The following UGT2A1 variants were observed in gnomAD, a reference collection of about 807,000 sequenced individuals.
UGT2A1 encodes UDP glucuronosyltransferase family 2 member A1 complex locus.
Under a neutral mutation model 45.4 loss-of-function variants are expected in UGT2A1, and 61 were observed. The observed-to-expected ratio is 1.34, with a 90% CI of 1.09 to 1.66. The LOEUF is 1.66. UGT2A1 is among the 40% of genes most tolerant of loss of function. The pLI is 0.00. For missense variants in UGT2A1, 649 were observed against 574.3 expected (o/e 1.13, Z -1.33); for synonymous variants, 229 against 196.2 (o/e 1.17, Z -1.40).
chr4:69,601,922 C>G (rs1457116166), intron 3 of UGT2A1, among the ~76,000 whole-genome samples: 2 of 136,550 alleles, frequency 1.5e-5, no homozygotes, highest in East Asian at 4.1e-4. Flanking sequence ...GTACCACAAC[C>G]ATGCAACTTG....
At chr4:69,625,145 A>G (rs750827036) in intron 3 of UGT2A1, among the ~76,000 whole-genome samples, 4 of 147,922 alleles carry the variant, frequency 2.7e-5, no homozygotes, top group East Asian at 2.0e-4. Flanking sequence ...ATTGCTTTCA[A>G]TGAGAAGTCT....
rs183253245 is a variant in UGT2A1 at position 69,646,160 on chromosome 4, T to C, written c.715+770A>G. On this transcript the variant is annotated intron_variant, in intron 2 of 6. Coordinates refer to ENST00000286604, the MANE Select transcript of UGT2A1 (RefSeq NM_001252275.3). Reference sequence around the variant, plus strand: ...CTTGAATCCATGGACTTTATTTTAGTCTTCCTATCTAAAAGAGTGCTTAGT... The same window carrying C: ...CTTGAATCCATGGACTTTATTTTAGCCTTCCTATCTAAAAGAGTGCTTAGT... Among the ~76,000 whole-genome samples, 17 of 151,940 alleles carry C rather than the reference T, an allele frequency of 1.1e-4. No individual in the cohort carries two copies. In the East Asian group the frequency reaches 2.9e-3, roughly 26 times the overall value.
Position 69,605,077 on chromosome 4 carries a change from C to G in UGT2A1, c.848-5683G>C, listed in dbSNP as rs185798656. On this transcript the variant is annotated intron_variant, in intron 3 of 6. Transcript: ENST00000286604. ...AGCTCTGCACCAAGTAGACCTAATA[C>G]ACATCTACAGAATTATCCACCCCAA... 2.2e-5 allele frequency among the ~76,000 whole-genome samples: 3 copies of G among 136,808 alleles called. 1 individual carries two copies. The East Asian group carries it at 6.2e-4, about 28-fold the overall frequency. The allele number at this position is 136,808 out of a possible 152,430, so 89.8% of individuals were successfully genotyped here. A position where few individuals can be genotyped will look rare whatever the true frequency, so the allele number is the denominator to read the frequency against.
chr4:69,642,670 T>C (rs890931108), intron 2 of UGT2A1, among the ~76,000 whole-genome samples: 3 of 151,690 alleles, frequency 2.0e-5, no homozygotes, highest in African/African-American at 7.2e-5. Context: ...TTTTTGAAAA[T>C]CTAGATTTCT....
At chr4:69,612,907 G>GAA (rs34670944) in intron 3 of UGT2A1, among the ~76,000 whole-genome samples, 2,135 of 139,924 alleles carry the variant, frequency 0.015, 38 homozygotes, top group East Asian at 0.047. Flanking sequence ...AACCTCTGCA[G>GAA]AAAAAAAAAA....
chr4:69,594,619 T>G lies in UGT2A1; in HGVS notation c.1162A>C (p.Met388Leu). The G allele has an allele frequency of 6.2e-7, 1 of 1,614,112 alleles. No homozygotes were observed. The highest frequency in any genetic ancestry group is 8.5e-7 in the Non-Finnish European group (1 of 1,180,012). Residue 388 changes from methionine to leucine, a missense_variant, in exon 6 of 7, where the codon ATG becomes CTG. Physicochemically the swap from Met to Leu is conservative, Grantham distance 15. Transcript: ENST00000286604. The stretch of plus-strand genomic sequence containing the variant: ...TCAGCAAACATGGGAACTCCCACCA[T>G]AGGGACTCCGTGGTAAATAGCTTCG... The part of the protein sequence containing the change: ...IYEAIYHGVP[M>L]VGVPMFADQP...
intron 3 of UGT2A1, among the ~76,000 whole-genome samples, chr4:69,600,568 G>A (rs11721934): frequency 0.14 from 21,284 of 152,118 alleles, 1,689 homozygotes; most frequent in Non-Finnish European, 0.18. Context: ...CATCTCAGTG[G>A]GTGTGTTAGG....
intron 6 of UGT2A1, among the ~76,000 whole-genome samples, chr4:69,590,530 C>T (rs942103588): frequency 6.6e-6 from 1 of 151,828 alleles, no homozygotes; most frequent in Non-Finnish European, 1.5e-5. Context: ...AGAGATGTCC[C>T]GGTGTTGGCA....
intron 2 of UGT2A1, chr4:69,639,063 CCA>C (rs1383495097): frequency 6.2e-7 from 1 of 1,613,316 alleles, no homozygotes; most frequent in South Asian, 1.1e-5. Context: ...TGGGATTTTC[CCA>C]CAGTGTCTCT....
chr4:69,602,572 A>G (rs1719359642), intron 3 of UGT2A1, among the ~76,000 whole-genome samples: 1 of 137,618 alleles, frequency 7.3e-6, no homozygotes, highest in African/African-American at 2.9e-5. Context: ...GAGGAAGAGA[A>G]GTTTTAATTT....
intron 6 of UGT2A1, among the ~76,000 whole-genome samples, chr4:69,592,692 TAGAC>T (rs753467072): frequency 2.6e-5 from 4 of 151,958 alleles, no homozygotes; most frequent in South Asian, 2.1e-4. Context: ...TTAGAACAAT[TAGAC>T]AGGAAATAAG....
At chr4:69,617,647 G>T (rs1357832329) in intron 3 of UGT2A1, among the ~76,000 whole-genome samples, 1 of 151,652 alleles carries the variant, frequency 6.6e-6, no homozygotes, top group African/African-American at 2.4e-5. Flanking sequence ...AGTTTAAGTA[G>T]ATTTCATTAG....
At chr4:69,635,327 C>T (rs866239133) in intron 3 of UGT2A1, among the ~76,000 whole-genome samples, 3 of 152,062 alleles carry the variant, frequency 2.0e-5, no homozygotes, top group Admixed American at 6.6e-5. Context: ...ATCTACAGTG[C>T]GCTGGGATGG....
At chr4:69,619,068 T>TAG (rs1401431497) in intron 3 of UGT2A1, among the ~76,000 whole-genome samples, 1 of 151,874 alleles carries the variant, frequency 6.6e-6, no homozygotes, top group Non-Finnish European at 1.5e-5. Flanking sequence ...AATTTATTTA[T>TAG]ATCAGAAAAA....
At chr4:69,624,232 C>A (rs1449851809) in intron 3 of UGT2A1, among the ~76,000 whole-genome samples, 3 of 151,336 alleles carry the variant, frequency 2.0e-5, no homozygotes, top group Non-Finnish European at 4.4e-5. Flanking sequence ...ATAAAATGAC[C>A]TTTATTCTCA....
chr4:69,652,224 A>T (rs1298274755), intron 1 of UGT2A1, among the ~76,000 whole-genome samples: 1 of 151,726 alleles, frequency 6.6e-6, no homozygotes, highest in Non-Finnish European at 1.5e-5. Flanking sequence ...TGGCATTCAC[A>T]TTAACACAAT....
Position 69,606,523 on chromosome 4 carries a change from T to C in UGT2A1, c.848-7129A>G, listed in dbSNP as rs1355670180. ...TTTGAAAACTGGCACAAGACAGGGA[T>C]GCCCTCTCTCACCACTCCTATTCAA... On this transcript the variant is annotated intron_variant, in intron 3 of 6. Transcript: ENST00000286604. 1.5e-5 allele frequency among the ~76,000 whole-genome samples: 2 copies of C among 136,390 alleles called. 1 individual carries two copies. Among genetic ancestry groups the C allele is most frequent in the Non-Finnish European group, 3.1e-5 (2 of 64,234 alleles). The allele number at this position is 136,390 out of a possible 152,430, so 89.5% of individuals were successfully genotyped here. A position where few individuals can be genotyped will look rare whatever the true frequency, so the allele number is the denominator to read the frequency against.
intron 3 of UGT2A1, among the ~76,000 whole-genome samples, chr4:69,604,545 G>T (rs1385490198): frequency 7.3e-6 from 1 of 136,368 alleles, no homozygotes; most frequent in Non-Finnish European, 1.6e-5. Flanking sequence ...ACATCATAAT[G>T]ACAGGATCAA....
At chr4:69,641,772 T>C (rs1248667994) in intron 2 of UGT2A1, among the ~76,000 whole-genome samples, 5 of 151,850 alleles carry the variant, frequency 3.3e-5, no homozygotes, top group Non-Finnish European at 5.9e-5. Context: ...ATTTAACAAA[T>C]GATGAGAACA....
Sources: allele counts gnomAD v4.1 joint callset (sites outside exome capture counted in the v4.1 genomes callset), GRCh38; gene constraint gnomAD v4.1.1; transcripts MANE v1.5; gene names NCBI Gene and HGNC (gene_info 2026-07-23, HGNC 2026-07-21).